Variants in TARBP1 observed in about 807,000 individuals in gnomAD.
TARBP1 encodes the protein tRNA (guanosine(18)-2'-O)-methyltransferase TARBP1.
A neutral mutation model predicts 178.6 loss-of-function variants in TARBP1; 144 were observed. The observed-to-expected ratio is 0.81, with a 90% CI of 0.70 to 0.93. TARBP1 has a LOEUF of 0.93. TARBP1 is among the 40% of genes least tolerant of loss of function. TARBP1 has a pLI of 0.00. For synonymous variants in TARBP1, 787 were observed against 781.0 expected (o/e 1.01, Z -0.13); for missense variants, 2,067 against 2,011.7 (o/e 1.03, Z -0.53).
chr1:234,408,247 G>A (rs1661464905), intron 23 of TARBP1, among the ~76,000 whole-genome samples: 1 of 150,036 alleles, frequency 6.7e-6, no homozygotes, highest in African/African-American at 2.5e-5. Flanking sequence ...CTCTGATTCT[G>A]AAACCGCCTT....
intron 13 of TARBP1, among the ~76,000 whole-genome samples, chr1:234,435,899 G>C (rs550132672): frequency 2.0e-5 from 3 of 152,156 alleles, no homozygotes; most frequent in Admixed American, 1.3e-4. Flanking sequence ...TACTACAGAG[G>C]CAGGCTCTTT....
At chr1:234,405,398 C>T (rs982472546) in intron 24 of TARBP1, 1 of 152,586 alleles carries the variant, frequency 6.6e-6, no homozygotes, top group Non-Finnish European at 1.5e-5. Flanking sequence ...ACCGTGGGGG[C>T]TTCACAGACA....
Position 234,429,314 on chromosome 1 carries a change from G to C in TARBP1, c.2882C>G (p.Ser961Cys), listed in dbSNP as rs1432078569. ...LKVLVPKLLT[S>C]SESLCIESFD... ...AGACTCTATGCAGAGTGATTCAGAG[G>C]AAGTCAGAAGCTGGTAGGAAAAAAA... Residue 961 changes from serine (S) to cysteine (C), a missense_variant, in exon 17 of 30, where the codon TCC becomes TGC. Transcript: ENST00000040877. 1 of 1,573,640 alleles carries C rather than the reference G, an allele frequency of 6.4e-7. No individual in the cohort carries two copies.
Position 234,478,724 on chromosome 1 carries a change from T to C in TARBP1, c.380A>G (p.Asp127Gly), listed in dbSNP as rs1426939586. ...AAALAEEALR[D>G]LLAGWRAPGA... Reference sequence around the variant, plus strand: ...AGGCGCGCGCCACCCGGCGAGCAGATCGCGCAGCGCCTCCTCAGCCAGCGC... The same window carrying C: ...AGGCGCGCGCCACCCGGCGAGCAGACCGCGCAGCGCCTCCTCAGCCAGCGC... The change falls in exon 1 of 30, where the codon GAT becomes GGT. Residue 127 changes from aspartate (D) to glycine (G), a missense_variant. Transcript: ENST00000040877. The C allele has an allele frequency of 7.7e-6, 9 of 1,173,518 alleles. No individual in the cohort carries two copies. The highest frequency in any genetic ancestry group is 4.8e-5 in the Admixed American group (1 of 20,706). 72.7% of individuals were successfully genotyped at this position (1,173,518 alleles called of 1,614,324 possible). A position where few individuals can be genotyped will look rare whatever the true frequency, so the allele number is the denominator to read the frequency against.
intron 20 of TARBP1, among the ~76,000 whole-genome samples, chr1:234,421,916 C>T (rs549932362): frequency 6.6e-6 from 1 of 152,260 alleles, no homozygotes; most frequent in Non-Finnish European, 1.5e-5. Context: ...CTTCCATAAT[C>T]TCGTTCTCTG....
intron 23 of TARBP1, chr1:234,407,049 T>C (rs564271683): frequency 5.3e-4 from 80 of 151,942 alleles, no homozygotes; most frequent in African/African-American, 1.9e-3. Flanking sequence ...ACAATCCTCT[T>C]TCTCTCATTC....
intron 22 of TARBP1, among the ~76,000 whole-genome samples, chr1:234,412,341 G>A (rs1048070258): frequency 1.3e-5 from 2 of 151,402 alleles, no homozygotes; most frequent in Non-Finnish European, 2.9e-5. Context: ...AGAATCACTT[G>A]AACCCAGGAG....
chr1:234,455,051 G>A (rs909337640), intron 9 of TARBP1, among the ~76,000 whole-genome samples: 5 of 152,274 alleles, frequency 3.3e-5, no homozygotes, highest in African/African-American at 4.8e-5. Context: ...ACCATGAGCC[G>A]AGAAATGCAA....
At chr1:234,396,896 G>C (rs1179171657) in intron 26 of TARBP1, among the ~76,000 whole-genome samples, 2 of 152,030 alleles carry the variant, frequency 1.3e-5, no homozygotes, top group African/African-American at 4.8e-5. Context: ...GACTCAGAAT[G>C]AGAAGGGTCA....
intron 24 of TARBP1, among the ~76,000 whole-genome samples, chr1:234,403,340 A>T (rs1229219112): frequency 3.3e-5 from 5 of 152,148 alleles, no homozygotes; most frequent in African/African-American, 4.8e-5. Flanking sequence ...CCTAGCTCCT[A>T]TTCATGCTTT....
intron 12 of TARBP1, among the ~76,000 whole-genome samples, chr1:234,443,164 C>G (rs754532645): frequency 6.6e-6 from 1 of 151,908 alleles, no homozygotes; most frequent in Admixed American, 6.6e-5. Context: ...GTGGTGCATG[C>G]CTGTAATCTC....
At chr1:234,424,065 G>A (rs959375026) in intron 20 of TARBP1, among the ~76,000 whole-genome samples, 1 of 152,130 alleles carries the variant, frequency 6.6e-6, no homozygotes, top group Non-Finnish European at 1.5e-5. Flanking sequence ...GGGAATTGTT[G>A]CATAAAAAAT....
rs201936668 is a variant in TARBP1, at chr1:234,410,498, A to G, written c.3739T>C (p.Phe1247Leu). 7.2e-6 allele frequency: 11 copies of G among 1,527,094 alleles called. No homozygotes were observed. Among genetic ancestry groups the G allele is most frequent in the Non-Finnish European group, 9.9e-6 (11 of 1,112,012 alleles). The allele number at this position is 1,527,094 out of a possible 1,614,324, so 94.6% of individuals were successfully genotyped here. A position where few individuals can be genotyped will look rare whatever the true frequency, so the allele number is the denominator to read the frequency against. ...EENLKTSICTFLAVLSHLDII... is the reference protein window; with the variant it reads ...EENLKTSICTLLAVLSHLDII... Reference sequence around the variant, plus strand: ...TCTAAATGTGATAAAACTGCTAAAAACGTACAAATGCTTGTTTTAAGATTT... The same window carrying G: ...TCTAAATGTGATAAAACTGCTAAAAGCGTACAAATGCTTGTTTTAAGATTT... The change falls in exon 23 of 30, where the codon TTT (phenylalanine) becomes CTT (leucine). Residue 1247 changes from phenylalanine (F) to leucine (L), a missense_variant. Transcript: ENST00000040877.
chr1:234,405,965 A>T lies in TARBP1; in HGVS notation c.3927T>A (p.Phe1309Leu). The T allele has an allele frequency of 6.2e-7, 1 of 1,614,176 alleles. No individual in the cohort carries two copies. The stretch of plus-strand genomic sequence containing the variant: ...ATTCAATCACAGGAGTCAGGGCATC[A>T]AATTCTTCAACACTTAACACTTTAC... ...TVCKVLSVEE[F>L]DALTPVIESS... The change falls in exon 24 of 30, where the codon TTT (phenylalanine) becomes TTA (leucine). Residue 1309 changes from phenylalanine to leucine, a missense_variant. Physicochemically the swap from Phe to Leu is conservative, Grantham distance 22. Transcript: ENST00000040877.
chr1:234,459,274 C>G lies in TARBP1; in HGVS notation c.1588G>C (p.Ala530Pro), dbSNP rs1418546805. ...ITHQILLRGAAQCYLLQTAMN... is the reference protein window; with the variant it reads ...ITHQILLRGAPQCYLLQTAMN... ...GCTGTTTGAAGAAGGTAGCATTGGG[C>G]TGCCCCTCTCAGGAGAATCTGATGT... Residue 530 changes from alanine (A) to proline (P), a missense_variant, in exon 8 of 30, where the codon GCC becomes CCC. Coordinates refer to ENST00000040877, the MANE Select transcript of TARBP1 (RefSeq NM_005646.4). 6.2e-7 allele frequency: 1 copy of G among 1,613,196 alleles called. No homozygotes were observed. Among genetic ancestry groups the G allele is most frequent in the East Asian group, 2.2e-5 (1 of 44,850 alleles).
At chr1:234,416,265 C>T (rs3820604) in intron 22 of TARBP1, among the ~76,000 whole-genome samples, 44,974 of 151,890 alleles carry the variant, frequency 0.3, 6,862 homozygotes, top group East Asian at 0.39. Context: ...TATAGGAACA[C>T]GAAGATGAAA....
intron 6 of TARBP1, among the ~76,000 whole-genome samples, chr1:234,461,668 A>G (rs1667874950): frequency 1.3e-5 from 2 of 152,178 alleles, no homozygotes; most frequent in Non-Finnish European, 2.9e-5. Context: ...TGAAGGAAAA[A>G]CAGGATAGGA....
chr1:234,405,990 C>T lies in TARBP1; in HGVS notation c.3902G>A (p.Cys1301Tyr). The change falls in exon 24 of 30, where the codon TGT becomes TAT. Residue 1301 changes from cysteine (C) to tyrosine (Y), a missense_variant. Physicochemically the swap from Cys to Tyr is radical, Grantham distance 194 (BLOSUM62 -2). Transcript: ENST00000040877. ...LVALKKLWTV[C>Y]KVLSVEEFDA... Reference sequence around the variant, plus strand: ...AAATTCTTCAACACTTAACACTTTACACACAGTCCAGAGTTTCTTAAGAGC... The same window carrying T: ...AAATTCTTCAACACTTAACACTTTATACACAGTCCAGAGTTTCTTAAGAGC... 1.2e-6 allele frequency: 2 copies of T among 1,614,208 alleles called. No homozygotes were observed. The highest frequency in any genetic ancestry group is 1.7e-6 in the Non-Finnish European group (2 of 1,180,034).
Position 234,463,884 on chromosome 1 carries a change from T to G in TARBP1, c.1352A>C (p.Gln451Pro). 6.3e-7 allele frequency: 1 copy of G among 1,599,776 alleles called. No homozygotes were observed. The highest frequency in any genetic ancestry group is 8.5e-7 in the Non-Finnish European group (1 of 1,172,912). Residue 451 changes from glutamine (Q) to proline (P), a missense_variant, in exon 6 of 30, where the codon CAG (glutamine) becomes CCG (proline). Gln to Pro is a moderately conservative substitution (Grantham distance 76). Transcript: ENST00000040877. ...GSCSPLGLKL[Q>P]KFLVTYISLL... Reference sequence around the variant, plus strand: ...AGAAATATAAGTGACTAAAAACTTCTGTAATTTCAGTCCCAATGGAGAACA... The same window carrying G: ...AGAAATATAAGTGACTAAAAACTTCGGTAATTTCAGTCCCAATGGAGAACA...
Sources: allele counts gnomAD v4.1 joint callset (sites outside exome capture counted in the v4.1 genomes callset), GRCh38; gene constraint gnomAD v4.1.1; transcripts MANE v1.5; gene names NCBI Gene and HGNC (gene_info 2026-07-23, HGNC 2026-07-21).